Variants in KMO observed in about 807,000 individuals in gnomAD.
KMO encodes the protein kynurenine 3-hydroxylase.
A neutral mutation model predicts 57.8 loss-of-function variants in KMO; 24 were observed. That is an observed-to-expected ratio of 0.42 (90% CI 0.30 to 0.58). KMO has a LOEUF of 0.58. Among genes scored for constraint, KMO ranks in the 20% least tolerant of loss-of-function variants. The probability of loss-of-function intolerance (pLI) is 0.22; values close to 1 mark genes in which losing one functional copy is unlikely to be tolerated. For missense variants in KMO, 483 were observed against 588.2 expected (o/e 0.82, Z 1.85); for synonymous variants, 210 against 193.6 (o/e 1.08, Z -0.70).
At chr1:241,568,993 C>T (rs1397781414) in intron 10 of KMO, among the ~76,000 whole-genome samples, 3 of 151,844 alleles carry the variant, frequency 2.0e-5, no homozygotes, top group Non-Finnish European at 4.4e-5. Flanking sequence ...GAGAATCTCC[C>T]GTATCCATTT....
intron 8 of KMO, 96 bp downstream of exon 8, chr1:241,565,154 C>G: frequency 2.7e-6 from 2 of 746,810 alleles, no homozygotes; most frequent in Non-Finnish European, 4.7e-6. Flanking sequence ...CCTAATTGAT[C>G]TCTTCATTGT....
At chr1:241,589,015 A>C (rs1304352089) in intron 12 of KMO, among the ~76,000 whole-genome samples, 185 bp downstream of exon 12, 1 of 152,074 alleles carries the variant, frequency 6.6e-6, no homozygotes, top group Non-Finnish European at 1.5e-5. Context: ...GGCCAGTGGC[A>C]ATGACCAATA....
chr1:241,562,928 AAG>A (rs1475023236), intron 7 of KMO, among the ~76,000 whole-genome samples: 76 of 57,754 alleles, frequency 1.3e-3, no homozygotes, highest in South Asian at 6.4e-3. Context: ...AGAAGGAAGG[AAG>A]GAAGGAAGGA....
At chr1:241,545,615 T>G (rs1235437031) in intron 1 of KMO, among the ~76,000 whole-genome samples, 1 of 152,200 alleles carries the variant, frequency 6.6e-6, no homozygotes, top group African/African-American at 2.4e-5. Context: ...TTAACTTGAT[T>G]ACCTATATTA....
rs768718728 is a variant in KMO, at chr1:241,586,573, G to A, written c.958-106G>A. The A allele has an allele frequency of 7.7e-6, 6 of 780,494 alleles. No individual in the cohort carries two copies. The African/African-American group carries it at 1.0e-4, about 13-fold the overall frequency. The allele number at this position is 780,494 out of a possible 1,614,324, so 48.3% of individuals were successfully genotyped here. On this transcript the variant is annotated intron_variant, in intron 10 of 14. Transcript: ENST00000366559. ...GCTATGTACTAGTTGAGAATAAACA[G>A]TGTATGAATTATCTTCACCAATGGA...
chr1:241,543,280 C>T (rs954423789), intron 1 of KMO, among the ~76,000 whole-genome samples: 5 of 152,018 alleles, frequency 3.3e-5, no homozygotes, highest in South Asian at 2.1e-4. Context: ...TAGTTTTATC[C>T]TATATTATTT....
At position 241,578,049 on chromosome 1, in the gene KMO, A is replaced by T. The variant is rs112936194; in HGVS notation, c.958-8630A>T. On this transcript the variant is annotated intron_variant, in intron 10 of 14. Coordinates refer to ENST00000366559, the MANE Select transcript of KMO (RefSeq NM_003679.5). ...ATGTTCCAAGTAGAGAGGAGTTGTG[A>T]CTCTCCCTCTTGTGCAAGCCTGAGC... is the stretch of plus-strand genomic sequence containing the variant. Among the ~76,000 whole-genome samples, 225 of 151,866 alleles carry T rather than the reference A, an allele frequency of 1.5e-3. 4 individuals are homozygous for T. Among genetic ancestry groups the T allele is most frequent in the African/African-American group, 5.0e-3 (206 of 41,426 alleles).
chr1:241,586,504 TG>T, intron 10 of KMO, 174 bp from the exon 11 acceptor site: 1 of 601,266 alleles, frequency 1.7e-6, no homozygotes, highest in Non-Finnish European at 3.0e-6. Context: ...CCAGGCCCGA[TG>T]GTCATTTTTA....
Position 241,549,723 on chromosome 1 carries a change from C to T in KMO, c.171C>T (p.Ala57=), listed in dbSNP as rs1661327538. Residue 57 remains alanine (A), a synonymous_variant, in exon 3 of 15, where the codon GCC becomes GCT. Transcript: ENST00000366559. ...TFTRGRSINL[A]LSHRGRQALK... Reference sequence around the variant, plus strand: ...CACGTGGAAGAAGCATTAACTTAGCCCTTTCTCATAGAGGACGACAAGCCT... The same window carrying T: ...CACGTGGAAGAAGCATTAACTTAGCTCTTTCTCATAGAGGACGACAAGCCT... 1.2e-6 allele frequency: 2 copies of T among 1,613,516 alleles called. No individual in the cohort carries two copies. The highest frequency in any genetic ancestry group is 1.7e-5 in the Admixed American group (1 of 59,940).
intron 10 of KMO, among the ~76,000 whole-genome samples, chr1:241,579,915 A>T (rs1003411180): frequency 2.6e-5 from 4 of 151,946 alleles, no homozygotes; most frequent in Admixed American, 6.6e-5. Flanking sequence ...ATCAGGAATA[A>T]CCTCCCTTGG....
intron 6 of KMO, among the ~76,000 whole-genome samples, chr1:241,561,159 G>A (rs1427783520): frequency 4.6e-5 from 7 of 152,030 alleles, no homozygotes; most frequent in African/African-American, 9.7e-5. Context: ...ATATGCTATG[G>A]ATCCACGCTC....
chr1:241,552,650 T>C (rs1223056566), intron 4 of KMO, among the ~76,000 whole-genome samples: 1 of 152,108 alleles, frequency 6.6e-6, no homozygotes, highest in Non-Finnish European at 1.5e-5. Context: ...CAACACTCAC[T>C]CAAAAGATGC....
intron 10 of KMO, among the ~76,000 whole-genome samples, chr1:241,580,805 A>G (rs983871351): frequency 1.3e-5 from 2 of 152,092 alleles, no homozygotes; most frequent in African/African-American, 4.8e-5. Context: ...TGTGCTAAGG[A>G]AAAGAACATG....
chr1:241,543,485 C>T (rs1270331078), intron 1 of KMO, among the ~76,000 whole-genome samples: 1 of 152,026 alleles, frequency 6.6e-6, no homozygotes, highest in Non-Finnish European at 1.5e-5. Flanking sequence ...GTGAATATGC[C>T]ATAATGTGTT....
intron 10 of KMO, among the ~76,000 whole-genome samples, chr1:241,577,832 G>A (rs557005215): frequency 5.3e-5 from 8 of 152,262 alleles, no homozygotes; most frequent in Admixed American, 1.3e-4. Flanking sequence ...TGACAGAGGT[G>A]GTTGGGGGAG....
At chr1:241,544,189 G>T (rs185523522) in intron 1 of KMO, among the ~76,000 whole-genome samples, 23 of 152,256 alleles carry the variant, frequency 1.5e-4, no homozygotes, top group Admixed American at 5.2e-4. Flanking sequence ...CTGATCACTT[G>T]TTGTTTAGAT....
At chr1:241,543,880 G>A (rs1390403872) in intron 1 of KMO, among the ~76,000 whole-genome samples, 2 of 152,138 alleles carry the variant, frequency 1.3e-5, no homozygotes, top group Non-Finnish European at 2.9e-5. Flanking sequence ...ATTGGCATCT[G>A]CCAACCTTAG....
Position 241,562,317 on chromosome 1 carries a change from A to T in KMO, c.600A>T (p.Pro200=). 2 of 1,614,004 alleles carry T rather than the reference A, an allele frequency of 1.2e-6. No individual in the cohort carries two copies. The highest frequency in any genetic ancestry group is 1.7e-6 in the Non-Finnish European group (2 of 1,179,932). ...IPHGYMELTI[P]PKNGDYAMEP... Reference sequence around the variant, plus strand: ...ATGGGTACATGGAGTTGACTATTCCACCTAAGAACGGAGATGTAAGTCCTT... The same window carrying T: ...ATGGGTACATGGAGTTGACTATTCCTCCTAAGAACGGAGATGTAAGTCCTT... Residue 200 remains proline (P), a synonymous_variant, in exon 7 of 15, where the codon CCA becomes CCT. Coordinates refer to ENST00000366559, the MANE Select transcript of KMO (RefSeq NM_003679.5).
chr1:241,569,689 T>G (rs1662207439), intron 10 of KMO, among the ~76,000 whole-genome samples: 1 of 152,128 alleles, frequency 6.6e-6, no homozygotes, highest in African/African-American at 2.4e-5. Flanking sequence ...GTGGGATTGC[T>G]GCCATATATG....
Sources: allele counts gnomAD v4.1 joint callset (sites outside exome capture counted in the v4.1 genomes callset), GRCh38; gene constraint gnomAD v4.1.1; transcripts MANE v1.5; gene names NCBI Gene and HGNC (gene_info 2026-07-23, HGNC 2026-07-21).